Variants in MEF2A observed in about 807,000 individuals in gnomAD.
The protein encoded by MEF2A is myocyte-specific enhancer factor 2A.
Under a neutral mutation model 55.8 loss-of-function variants are expected in MEF2A, and 28 were observed. The observed-to-expected ratio is 0.50, with a 90% CI of 0.37 to 0.69. MEF2A has a LOEUF of 0.69. Ranked by LOEUF, MEF2A falls within the 30% of genes least tolerant of loss-of-function variation. The pLI, the probability that MEF2A is intolerant of heterozygous loss-of-function variation, is 0.00. For missense variants in MEF2A, 528 were observed against 626.2 expected (o/e 0.84, Z 1.67); for synonymous variants, 239 against 227.1 (o/e 1.05, Z -0.47).
chr15:99,705,012 A>G (rs2057858306), intron 9 of MEF2A, among the ~76,000 whole-genome samples: 1 of 152,230 alleles, frequency 6.6e-6, no homozygotes, highest in African/African-American at 2.4e-5. Flanking sequence ...AACTTAATCA[A>G]TTAAAAATGC....
At chr15:99,605,111 AT>A (rs950106683) in intron 2 of MEF2A, among the ~76,000 whole-genome samples, 42 of 151,696 alleles carry the variant, frequency 2.8e-4, no homozygotes, top group African/African-American at 9.2e-4. Context: ...ACACCCAGCT[AT>A]TTTTTTTGTA....
At chr15:99,693,979 A>G (rs867218958) in intron 8 of MEF2A, among the ~76,000 whole-genome samples, 1 of 152,210 alleles carries the variant, frequency 6.6e-6, no homozygotes, top group Non-Finnish European at 1.5e-5. Context: ...TGTATTTGTC[A>G]CAACTATTGA....
At chr15:99,611,425 G>T (rs935486001) in intron 2 of MEF2A, among the ~76,000 whole-genome samples, 3 of 152,168 alleles carry the variant, frequency 2.0e-5, no homozygotes, top group Admixed American at 6.5e-5. Context: ...ATGAAAAGAT[G>T]CTTAATGTTA....
intron 2 of MEF2A, among the ~76,000 whole-genome samples, chr15:99,609,810 CAA>C (rs1976488524): frequency 6.6e-6 from 1 of 151,992 alleles, no homozygotes; most frequent in Admixed American, 6.5e-5. Flanking sequence ...TCAAGCTTGA[CAA>C]AGAGAGTATA....
At chr15:99,683,580 AT>A (rs200262059) in intron 7 of MEF2A, among the ~76,000 whole-genome samples, 94 of 149,480 alleles carry the variant, frequency 6.3e-4, no homozygotes, top group Non-Finnish European at 1.2e-3. Flanking sequence ...CTAATTTAGC[AT>A]TTTTTTTTAG....
intron 4 of MEF2A, among the ~76,000 whole-genome samples, chr15:99,666,448 G>A (rs1408646896): frequency 6.6e-6 from 1 of 151,798 alleles, no homozygotes; most frequent in African/African-American, 2.4e-5. Context: ...GGAGTGGGGG[G>A]CTAGTCTAGG....
chr15:99,677,350 AAAAC>A (rs1159501784), intron 7 of MEF2A, among the ~76,000 whole-genome samples: 1 of 152,132 alleles, frequency 6.6e-6, no homozygotes, highest in African/African-American at 2.4e-5. Flanking sequence ...GGGTATTTAA[AAAAC>A]AAAAAGATTG....
At chr15:99,635,638 T>C (rs1431933761) in intron 3 of MEF2A, among the ~76,000 whole-genome samples, 1 of 152,164 alleles carries the variant, frequency 6.6e-6, no homozygotes, top group African/African-American at 2.4e-5. Flanking sequence ...TCCTGACTTC[T>C]AACACTATAG....
At chr15:99,680,949 C>T (rs545634596) in intron 7 of MEF2A, among the ~76,000 whole-genome samples, 17 of 152,200 alleles carry the variant, frequency 1.1e-4, no homozygotes, top group Non-Finnish European at 2.1e-4. Context: ...CAGCTTTGTA[C>T]ATATTGTAAT....
chr15:99,570,497 GGTCA>G (rs1256604704), intron 1 of MEF2A, among the ~76,000 whole-genome samples: 3 of 152,248 alleles, frequency 2.0e-5, no homozygotes, highest in South Asian at 2.1e-4. Flanking sequence ...TTTCAGTAGT[GGTCA>G]GTAAGTTTAT....
At chr15:99,581,228 G>A (rs2152851185) in intron 1 of MEF2A, among the ~76,000 whole-genome samples, 1 of 152,166 alleles carries the variant, frequency 6.6e-6, no homozygotes, top group South Asian at 2.1e-4. Flanking sequence ...ATTTCTTTTT[G>A]TAAAAATATC....
chr15:99,663,975 A>C (rs528193162), intron 4 of MEF2A, among the ~76,000 whole-genome samples: 18 of 152,192 alleles, frequency 1.2e-4, no homozygotes, highest in African/African-American at 3.9e-4. Context: ...TTTGAAAGGT[A>C]AGGTTGTCAG....
intron 8 of MEF2A, chr15:99,690,653 G>A (rs1169967518): frequency 1.3e-5 from 8 of 636,132 alleles, no homozygotes; most frequent in Admixed American, 2.1e-5. Context: ...AGCTAAATAC[G>A]AACGTGGTTG....
chr15:99,604,742 G>T (rs1974452369), intron 2 of MEF2A, among the ~76,000 whole-genome samples: 1 of 149,050 alleles, frequency 6.7e-6, no homozygotes. Context: ...ATATAGTGTT[G>T]GACTTTGTTT....
chr15:99,623,480 G>C (rs2041574008), intron 2 of MEF2A, among the ~76,000 whole-genome samples: 1 of 152,172 alleles, frequency 6.6e-6, no homozygotes, highest in Non-Finnish European at 1.5e-5. Context: ...ACGCCATACT[G>C]TTTTCCATAG....
intron 4 of MEF2A, among the ~76,000 whole-genome samples, chr15:99,663,462 C>A (rs1244222081): frequency 1.3e-5 from 2 of 151,876 alleles, no homozygotes; most frequent in African/African-American, 4.8e-5. Flanking sequence ...CCATTCCAAA[C>A]AAATAGAATC....
Position 99,668,008 on chromosome 15 carries a change from G to A in MEF2A, c.259-3315G>A, listed in dbSNP as rs540645885. 4.7e-4 allele frequency among the ~76,000 whole-genome samples: 72 copies of A among 151,808 alleles called. 1 individual carries two copies. Among genetic ancestry groups the A allele is most frequent in the African/African-American group, 4.6e-4 (19 of 41,360 alleles). ...GCTAAGTTTATTACTTAAATCCTGCGTTTTGTACCATAAATGACAATGTGC... is the reference window on the plus strand; with the variant it reads ...GCTAAGTTTATTACTTAAATCCTGCATTTTGTACCATAAATGACAATGTGC... On this transcript the variant is annotated intron_variant, in intron 4 of 11. Coordinates refer to ENST00000557942, the MANE Select transcript of MEF2A (RefSeq NM_001319206.4).
At chr15:99,613,950 T>C (rs2039744717) in intron 2 of MEF2A, among the ~76,000 whole-genome samples, 1 of 152,184 alleles carries the variant, frequency 6.6e-6, no homozygotes, top group African/African-American at 2.4e-5. Context: ...GAAGGTTTTA[T>C]CACATCAGTG....
intron 2 of MEF2A, among the ~76,000 whole-genome samples, chr15:99,613,679 A>C (rs987368130): frequency 6.6e-6 from 1 of 152,238 alleles, no homozygotes; most frequent in Non-Finnish European, 1.5e-5. Flanking sequence ...ATAGCAGAGC[A>C]GGAGGGATTG....
Sources: allele counts gnomAD v4.1 joint callset (sites outside exome capture counted in the v4.1 genomes callset), GRCh38; gene constraint gnomAD v4.1.1; transcripts MANE v1.5; gene names NCBI Gene and HGNC (gene_info 2026-07-23, HGNC 2026-07-21).